RBFOX1: variants seen among roughly 807,000 people sequenced by gnomAD.
RBFOX1 encodes RNA binding protein fox-1 homolog 1.
In RBFOX1, 8 loss-of-function variants were observed where a neutral mutation model predicts 57.7. That is an observed-to-expected ratio of 0.14 (90% CI 0.08 to 0.25). RBFOX1 has a LOEUF of 0.25. Among genes scored for constraint, RBFOX1 ranks in the 10% least tolerant of loss-of-function variants. The probability of loss-of-function intolerance (pLI) is 1.00; values close to 1 mark genes in which losing one functional copy is unlikely to be tolerated. For synonymous variants in RBFOX1, 326 were observed against 222.4 expected (o/e 1.47, Z -4.15); for missense variants, 611 against 548.5 (o/e 1.11, Z -1.14).
At chr16:6,812,050 T>A (rs116524604) in intron 3 of RBFOX1, among the ~76,000 whole-genome samples, 2,741 of 152,140 alleles carry the variant, frequency 0.018, 89 homozygotes, top group African/African-American at 0.063. Context: ...TGTTGGTTGG[T>A]TTCATGTATC....
chr16:5,825,199 G>A (rs781053230), intron 3 of RBFOX1, among the ~76,000 whole-genome samples: 79 of 152,230 alleles, frequency 5.2e-4, no homozygotes, highest in Non-Finnish European at 9.1e-4. Context: ...AACCTTGCAA[G>A]CGTTGCTTAA....
At chr16:7,237,603 G>A (rs1490889457) in intron 4 of RBFOX1, among the ~76,000 whole-genome samples, 1 of 152,206 alleles carries the variant, frequency 6.6e-6, no homozygotes, top group Admixed American at 6.5e-5. Context: ...TTTCAGTATA[G>A]GTGACTTTAG....
intron 3 of RBFOX1, among the ~76,000 whole-genome samples, chr16:6,931,287 GTCTGTCTGTCTA>G (rs944151657): frequency 8.9e-6 from 1 of 112,722 alleles, no homozygotes; most frequent in Non-Finnish European, 1.8e-5. Flanking sequence ...CTATCTGTCT[GTCTGTCTGTCTA>G]TCTATCTATC....
intron 2 of RBFOX1, among the ~76,000 whole-genome samples, chr16:5,533,078 T>A (rs1489631981): frequency 6.6e-6 from 1 of 152,144 alleles, no homozygotes; most frequent in South Asian, 2.1e-4. Flanking sequence ...TTGTTTTGCC[T>A]CTGAAAGTGC....
At chr16:6,314,018 A>G (rs2080747872) in intron 1 of RBFOX1, among the ~76,000 whole-genome samples, 1 of 152,090 alleles carries the variant, frequency 6.6e-6, no homozygotes, top group Non-Finnish European at 1.5e-5. Context: ...GGGGCTATAA[A>G]ATTCATTTCA....
At chr16:6,806,184 A>G (rs2086720084) in intron 3 of RBFOX1, among the ~76,000 whole-genome samples, 2 of 152,198 alleles carry the variant, frequency 1.3e-5, no homozygotes. Context: ...AGGTCACAAT[A>G]TAAGAGAAAA....
chr16:7,613,337 C>A (rs2057885330), intron 10 of RBFOX1, among the ~76,000 whole-genome samples: 2 of 152,168 alleles, frequency 1.3e-5, no homozygotes, highest in Non-Finnish European at 2.9e-5. Flanking sequence ...GGTCTTGAAA[C>A]AAGCTCACCC....
At chr16:5,606,431 A>G (rs1213840177) in intron 3 of RBFOX1, among the ~76,000 whole-genome samples, 1 of 152,030 alleles carries the variant, frequency 6.6e-6, no homozygotes, top group African/African-American at 2.4e-5. Context: ...CTCCAACCAC[A>G]AAATGCCCTC....
intron 4 of RBFOX1, among the ~76,000 whole-genome samples, chr16:7,082,762 A>T (rs952653926): frequency 6.6e-6 from 1 of 152,034 alleles, no homozygotes; most frequent in South Asian, 2.1e-4. Flanking sequence ...CAATTTCTGT[A>T]GCAGATCAGA....
rs370735664 is a variant in RBFOX1 at position 7,177,030 on chromosome 16, A to G, written c.27+124932A>G. The stretch of plus-strand genomic sequence containing the variant: ...CCCATGAAGTCTCATTGAGCACAAA[A>G]TTCAGGAACCACCCCAGGTTGCAAA... On this transcript the variant is annotated intron_variant, in intron 4 of 15. Coordinates refer to ENST00000550418, the MANE Select transcript of RBFOX1 (RefSeq NM_018723.4). 9.8e-5 allele frequency among the ~76,000 whole-genome samples: 15 copies of G among 152,320 alleles called. No homozygotes were observed. In the East Asian group the frequency reaches 1.9e-3, roughly 20 times the overall value.
rs534450635 is a variant in RBFOX1 at position 7,515,703 on chromosome 16, G to A, written c.28-2444G>A. Among the ~76,000 whole-genome samples, 201 of 152,302 alleles carry A rather than the reference G, an allele frequency of 1.3e-3. 1 individual carries two copies. Among genetic ancestry groups the A allele is most frequent in the African/African-American group, 4.5e-3 (189 of 41,564 alleles). On this transcript the variant is annotated intron_variant, in intron 4 of 15. Coordinates refer to ENST00000550418, the MANE Select transcript of RBFOX1 (RefSeq NM_018723.4). Reference sequence around the variant, plus strand: ...ACAAACAGGGATGGTGCTGACTGCGGGTAAAGCTGGATTCAACACTTCAAA... The same window carrying A: ...ACAAACAGGGATGGTGCTGACTGCGAGTAAAGCTGGATTCAACACTTCAAA...
chr16:7,413,198 A>T (rs1232060013), intron 4 of RBFOX1, among the ~76,000 whole-genome samples: 2 of 152,152 alleles, frequency 1.3e-5, no homozygotes, highest in African/African-American at 2.4e-5. Flanking sequence ...TTTTCCCAGG[A>T]CACACCATTG....
At chr16:5,908,075 T>TATATATATATACACATATATACAC (rs1354076118) in intron 4 of RBFOX1, among the ~76,000 whole-genome samples, 3,049 of 116,494 alleles carry the variant, frequency 0.026, 174 homozygotes, top group Non-Finnish European at 0.04. Context: ...TGTATGTATA[T>TATATATATATACACATATATACAC]ATATATATAT....
At chr16:5,427,438 A>G (rs2067595335) in intron 1 of RBFOX1, among the ~76,000 whole-genome samples, 1 of 152,172 alleles carries the variant, frequency 6.6e-6, no homozygotes. Flanking sequence ...TACAAAAATT[A>G]GCCAGGCATA....
intron 1 of RBFOX1, among the ~76,000 whole-genome samples, chr16:6,151,413 G>A (rs963843397): frequency 7.9e-5 from 12 of 152,104 alleles, no homozygotes; most frequent in African/African-American, 2.7e-4. Flanking sequence ...AGCCTCCCAA[G>A]TAGCTGGGAT....
intron 10 of RBFOX1, among the ~76,000 whole-genome samples, chr16:7,610,528 T>C (rs972236703): frequency 6.6e-6 from 1 of 152,148 alleles, no homozygotes; most frequent in African/African-American, 2.4e-5. Flanking sequence ...ACCACCATAT[T>C]CACAAGTGTT....
In RBFOX1 at chr16:5,261,516, G is replaced by A. The variant is rs184087131; in HGVS notation, c.219+21411G>A. ...ATTCTGTTTTCCTTAGAAATTATAGGCACCCATCCACTGACATTTCACTGT... is the reference window on the plus strand; with the variant it reads ...ATTCTGTTTTCCTTAGAAATTATAGACACCCATCCACTGACATTTCACTGT... On this transcript the variant is annotated intron_variant, in intron 1 of 2. Transcript: ENST00000585867. Among the ~76,000 whole-genome samples, 497 of 149,846 alleles carry A rather than the reference G, an allele frequency of 3.3e-3. 6 individuals are homozygous for A. Among genetic ancestry groups the A allele is most frequent in the Non-Finnish European group, 5.2e-3 (349 of 67,714 alleles).
At chr16:7,048,381 T>A (rs933859545) in intron 3 of RBFOX1, among the ~76,000 whole-genome samples, 3 of 152,030 alleles carry the variant, frequency 2.0e-5, no homozygotes, top group Non-Finnish European at 2.9e-5. Context: ...TGCCTCAGCC[T>A]CCCTAGTAGC....
At chr16:7,472,848 G>T (rs2061818842) in intron 4 of RBFOX1, among the ~76,000 whole-genome samples, 1 of 152,194 alleles carries the variant, frequency 6.6e-6, no homozygotes, top group African/African-American at 2.4e-5. Context: ...AGGATAGGAT[G>T]AATTCATGGA....
Sources: allele counts gnomAD v4.1 joint callset (sites outside exome capture counted in the v4.1 genomes callset), GRCh38; gene constraint gnomAD v4.1.1; transcripts MANE v1.5; gene names NCBI Gene and HGNC (gene_info 2026-07-23, HGNC 2026-07-21).